The following TMEM272 variants were observed in gnomAD, a reference collection of about 807,000 sequenced individuals.
TMEM272 encodes long intergenic non-protein coding RNA 282.
TMEM272 carries 8 observed loss-of-function variants against 3.7 expected under a neutral mutation model. That is an observed-to-expected ratio of 2.17 (90% CI 1.27 to 3.91). The LOEUF (loss-of-function observed/expected upper bound fraction) is 3.91, where lower values mean the gene tolerates loss of function less well. Among genes scored for constraint, TMEM272 ranks in the 30% most tolerant of loss-of-function variants. TMEM272 has a pLI of 0.00. For missense variants in TMEM272, 166 were observed against 91.5 expected, an observed-to-expected ratio of 1.81 and a Z score of -3.32; for synonymous variants, 63 against 39.8, an observed-to-expected ratio of 1.58 and a Z score of -2.20.
the TMEM272 span, among the ~76,000 whole-genome samples, chr13:51,925,394 G>C: frequency 6.6e-6 from 1 of 152,200 alleles, no homozygotes; most frequent in Non-Finnish European, 1.5e-5. Flanking sequence ...CATAGAAATT[G>C]AAACAAACAA....
the TMEM272 span, among the ~76,000 whole-genome samples, chr13:51,912,162 A>AT: frequency 1.3e-5 from 2 of 152,092 alleles, no homozygotes; most frequent in African/African-American, 4.8e-5. Context: ...TTTGCTGATC[A>AT]TTATGTAAAG....
chr13:51,927,305 C>T, the TMEM272 span, among the ~76,000 whole-genome samples: 3 of 152,144 alleles, frequency 2.0e-5, no homozygotes, highest in South Asian at 2.1e-4. Flanking sequence ...TAAATTCACA[C>T]GATGCCACGG....
intron 3 of TMEM272, among the ~76,000 whole-genome samples, chr13:51,824,761 T>C (rs923888710): frequency 1.3e-5 from 2 of 152,232 alleles, no homozygotes; most frequent in Non-Finnish European, 2.9e-5. Context: ...AAGACCAGCC[T>C]GGCCAACGTG....
chr13:51,909,061 A>G, the TMEM272 span: 1 of 1,478,870 alleles, frequency 6.8e-7, no homozygotes, highest in Non-Finnish European at 9.4e-7. Flanking sequence ...GGCCGACCCA[A>G]TGGTGAGGGA....
At chr13:51,833,356 TATCAAATA>T (rs1956188447) in intron 2 of TMEM272, among the ~76,000 whole-genome samples, 1 of 152,150 alleles carries the variant, frequency 6.6e-6, no homozygotes, top group South Asian at 2.1e-4. Context: ...GGAAAGCAGC[TATCAAATA>T]ATCATCAATA....
At chr13:51,877,527 C>T in the TMEM272 span, among the ~76,000 whole-genome samples, 1 of 152,204 alleles carries the variant, frequency 6.6e-6, no homozygotes, top group Non-Finnish European at 1.5e-5. Flanking sequence ...AATATCACTA[C>T]AATGAATATA....
the TMEM272 span, among the ~76,000 whole-genome samples, chr13:51,911,818 C>T: frequency 2.6e-5 from 4 of 152,230 alleles, no homozygotes; most frequent in Non-Finnish European, 4.4e-5. Context: ...CGAGACAGAG[C>T]CTCCCGGCCC....
chr13:51,910,121 T>A, the TMEM272 span: 1 of 1,021,080 alleles, frequency 9.8e-7, no homozygotes, highest in Non-Finnish European at 1.6e-6. Flanking sequence ...TGGAAATATC[T>A]GCCATCACCT....
chr13:51,878,361 C>T, the TMEM272 span, among the ~76,000 whole-genome samples: 7 of 152,058 alleles, frequency 4.6e-5, no homozygotes, highest in African/African-American at 9.7e-5. Context: ...ACCCGAGAGG[C>T]GGAGGTTGCG....
At chr13:51,909,637 AG>A in the TMEM272 span, 43 of 1,470,412 alleles carry the variant, frequency 2.9e-5, no homozygotes, top group African/African-American at 4.7e-4. Flanking sequence ...TCTCCTTCTA[AG>A]GTTGTTAAAG....
At chr13:51,887,659 T>C in the TMEM272 span, among the ~76,000 whole-genome samples, 181 of 152,302 alleles carry the variant, frequency 1.2e-3, no homozygotes, top group African/African-American at 4.3e-3. Flanking sequence ...TTTTCTGGCC[T>C]ACTTAAAGGG....
the TMEM272 span, among the ~76,000 whole-genome samples, chr13:51,871,342 C>T: frequency 3.9e-5 from 6 of 152,096 alleles, no homozygotes; most frequent in South Asian, 1.2e-3. Context: ...AGGTGCCCGC[C>T]ACCACACCCA....
At chr13:51,879,333 G>C in the TMEM272 span, among the ~76,000 whole-genome samples, 1 of 143,164 alleles carries the variant, frequency 7.0e-6, no homozygotes, top group Admixed American at 7.2e-5. Flanking sequence ...TAAGACTTTC[G>C]CATTTTCTTA....
chr13:51,829,553 G>C (rs1956155019), intron 2 of TMEM272, among the ~76,000 whole-genome samples: 1 of 152,122 alleles, frequency 6.6e-6, no homozygotes, highest in African/African-American at 2.4e-5. Flanking sequence ...GAAATTTCTT[G>C]CTGGCAAAGG....
chr13:51,825,252 T>C (rs1382241434), intron 3 of TMEM272, among the ~76,000 whole-genome samples: 1 of 152,224 alleles, frequency 6.6e-6, no homozygotes, highest in African/African-American at 2.4e-5. Context: ...TAAAATCTTA[T>C]CTTCTTTTTT....
At chr13:51,849,540 G>A (rs1322134587), upstream of TMEM272, among the ~76,000 whole-genome samples, 1 of 152,224 alleles carries the variant, frequency 6.6e-6, no homozygotes, top group Non-Finnish European at 1.5e-5. Flanking sequence ...TGAGAAGCTG[G>A]GGGAGTCAAG....
At chr13:51,893,919 C>T in the TMEM272 span, among the ~76,000 whole-genome samples, 2 of 151,912 alleles carry the variant, frequency 1.3e-5, no homozygotes, top group Non-Finnish European at 2.9e-5. Flanking sequence ...TAAATAATAA[C>T]GAAGATCACA....
the TMEM272 span, among the ~76,000 whole-genome samples, chr13:51,918,234 C>T: frequency 6.6e-6 from 1 of 152,202 alleles, no homozygotes; most frequent in Non-Finnish European, 1.5e-5. Flanking sequence ...GCACTTCCTC[C>T]TGCCACCTCT....
chr13:51,918,943 C>T, the TMEM272 span, among the ~76,000 whole-genome samples: 62 of 151,790 alleles, frequency 4.1e-4, no homozygotes, highest in African/African-American at 1.3e-3. Flanking sequence ...CCACCATGAC[C>T]GGCCCCATAA....
Sources: gnomAD v4.1 joint callset for allele counts (sites outside exome capture counted in the v4.1 genomes callset) on GRCh38, gnomAD v4.1.1 for gene constraint, MANE v1.5 for transcripts, NCBI Gene and HGNC (gene_info 2026-07-23, HGNC 2026-07-21) for gene names.